ZDHHC17: variants seen among roughly 807,000 people sequenced by gnomAD.
ZDHHC17 encodes palmitoyltransferase ZDHHC17.
ZDHHC17 carries 40 observed loss-of-function variants against 90.3 expected under a neutral mutation model. That is an observed-to-expected ratio of 0.44 (90% CI 0.34 to 0.58). The LOEUF (loss-of-function observed/expected upper bound fraction) is 0.58, where lower values mean the gene tolerates loss of function less well. Ranked by LOEUF, ZDHHC17 falls within the 20% of genes least tolerant of loss-of-function variation. The pLI is 0.01. For synonymous variants in ZDHHC17, 235 were observed against 252.4 expected, an observed-to-expected ratio of 0.93 and a Z score of 0.65; for missense variants, 614 against 780.8, an observed-to-expected ratio of 0.79 and a Z score of 2.55.
At chr12:76,777,903 G>A (rs1202328978) in intron 1 of ZDHHC17, among the ~76,000 whole-genome samples, 1 of 152,106 alleles carries the variant, frequency 6.6e-6, no homozygotes, top group Non-Finnish European at 1.5e-5. Context: ...GCCCAGAGAG[G>A]TTAAGGTTAA....
chr12:76,778,076 A>T (rs1952579327), intron 1 of ZDHHC17, among the ~76,000 whole-genome samples: 1 of 152,120 alleles, frequency 6.6e-6, no homozygotes, highest in Admixed American at 6.6e-5. Context: ...TCCTGAAGGG[A>T]GATCTTATTT....
intron 3 of ZDHHC17, 97 bp downstream of exon 3, chr12:76,805,536 T>G: frequency 9.2e-7 from 1 of 1,089,452 alleles, no homozygotes; most frequent in Non-Finnish European, 1.3e-6. Context: ...CTTTCTAAAA[T>G]TCATGGCTTT....
At position 76,786,984 on chromosome 12, in the gene ZDHHC17, T is replaced by G. The variant is rs143229648; in HGVS notation, c.94-10450T>G. Among the ~76,000 whole-genome samples the G allele has an allele frequency of 3.4e-3, 524 of 152,360 alleles. 2 individuals carry two copies. Among genetic ancestry groups the G allele is most frequent in the Middle Eastern group, 0.034 (10 of 294 alleles). ...TTCTTAGGATTTTCAGTTACGTATC[T>G]TTGCCATTCAAATTACATTTTGGTA... On this transcript the variant is annotated intron_variant, in intron 1 of 16. Transcript: ENST00000426126.
At chr12:76,848,461 A>AT in intron 15 of ZDHHC17, 71 bp downstream of exon 15, 5 of 1,463,534 alleles carry the variant, frequency 3.4e-6, no homozygotes, top group East Asian at 2.4e-5. Context: ...AGATAATAAT[A>AT]TATTCTCTTC....
rs1953560929 is a variant in ZDHHC17 at position 76,850,999 on chromosome 12, T to C, written c.*14T>C. 2 of 1,613,654 alleles carry C rather than the reference T, an allele frequency of 1.2e-6. No homozygotes were observed. Among genetic ancestry groups the C allele is most frequent in the Non-Finnish European group, 1.7e-6 (2 of 1,179,750 alleles). ...CAGCTGGTGTAGCGACATCTTATCC[T>C]ATGAAGCATATTGCTGAGTGGTGCC... On this transcript the variant is annotated 3_prime_UTR_variant, in exon 17 of 17. Coordinates refer to ENST00000426126, the MANE Select transcript of ZDHHC17 (RefSeq NM_015336.4).
chr12:76,798,509 G>T (rs1952849526), intron 2 of ZDHHC17, among the ~76,000 whole-genome samples: 1 of 151,236 alleles, frequency 6.6e-6, no homozygotes, highest in East Asian at 1.9e-4. Context: ...TCAGGAGTTT[G>T]AGACCAGCTT....
At chr12:76,802,616 C>T (rs866352545) in intron 2 of ZDHHC17, among the ~76,000 whole-genome samples, 20 of 152,162 alleles carry the variant, frequency 1.3e-4, no homozygotes, top group Admixed American at 3.3e-4. Flanking sequence ...CACTTTCCTT[C>T]GGTCTTTTTT....
intron 16 of ZDHHC17, among the ~76,000 whole-genome samples, chr12:76,850,160 C>T: frequency 6.6e-6 from 1 of 151,974 alleles, no homozygotes; most frequent in Admixed American, 6.6e-5. Context: ...CATGATCCAC[C>T]CGCCTCGGCC....
chr12:76,849,336 A>AAAAC, intron 15 of ZDHHC17, 40 bp from the exon 16 acceptor site: 1 of 1,126,908 alleles, frequency 8.9e-7, no homozygotes, highest in Admixed American at 2.9e-5. Context: ...AAAAAAAAAA[A>AAAAC]AAAAACAAGA....
intron 1 of ZDHHC17, among the ~76,000 whole-genome samples, chr12:76,766,236 A>T (rs1952429762): frequency 6.6e-6 from 1 of 152,186 alleles, no homozygotes; most frequent in Non-Finnish European, 1.5e-5. Context: ...TGGCATACAT[A>T]ATATATACCG....
chr12:76,849,227 G>A, intron 15 of ZDHHC17, 149 bp from the exon 16 acceptor site: 1 of 433,816 alleles, frequency 2.3e-6, no homozygotes, highest in Non-Finnish European at 4.0e-6. Context: ...TGGGGTGGGG[G>A]GAGGTGGCGG....
chr12:76,777,316 A>C (rs888699180), intron 1 of ZDHHC17, among the ~76,000 whole-genome samples: 2 of 152,164 alleles, frequency 1.3e-5, no homozygotes, highest in Non-Finnish European at 2.9e-5. Context: ...GGCTTTTCTC[A>C]TTCAGCATAA....
At chr12:76,778,833 T>TA (rs1952592070) in intron 1 of ZDHHC17, among the ~76,000 whole-genome samples, 1 of 152,228 alleles carries the variant, frequency 6.6e-6, no homozygotes, top group Admixed American at 6.5e-5. Context: ...CTGGGTGACT[T>TA]AAACAATGGA....
intron 11 of ZDHHC17, 122 bp downstream of exon 11, chr12:76,842,228 G>A: frequency 9.3e-7 from 1 of 1,076,240 alleles, no homozygotes; most frequent in East Asian, 3.1e-5. Context: ...AAGCTAAATT[G>A]AGATTATGTA....
At chr12:76,812,509 C>G (rs1297618938) in intron 5 of ZDHHC17, among the ~76,000 whole-genome samples, 1 of 151,986 alleles carries the variant, frequency 6.6e-6, no homozygotes, top group African/African-American at 2.4e-5. Flanking sequence ...ATAAAATTAG[C>G]ATATTTTTAT....
chr12:76,816,930 A>C (rs930739354), intron 7 of ZDHHC17, among the ~76,000 whole-genome samples: 5 of 152,050 alleles, frequency 3.3e-5, no homozygotes, highest in African/African-American at 1.2e-4. Context: ...CTTCTAAAAA[A>C]ATTTCAAGTC....
intron 5 of ZDHHC17, among the ~76,000 whole-genome samples, chr12:76,812,543 C>T (rs1953037435): frequency 6.6e-6 from 1 of 151,990 alleles, no homozygotes; most frequent in African/African-American, 2.4e-5. Flanking sequence ...TCTCTTTTAT[C>T]GACTGTAGTC....
At chr12:76,843,045 G>A (rs1417689317) in intron 12 of ZDHHC17, 64 bp downstream of exon 12, 7 of 1,289,832 alleles carry the variant, frequency 5.4e-6, no homozygotes, top group African/African-American at 1.5e-5. Context: ...TAGCATAGCG[G>A]GTATGGGGTG....
intron 4 of ZDHHC17, 94 bp downstream of exon 4, chr12:76,809,214 G>C (rs1308078797): frequency 3.8e-6 from 3 of 779,724 alleles, no homozygotes; most frequent in Admixed American, 3.8e-5. Context: ...ATGAATAGGA[G>C]AGCTTATTAT....
Sources: gnomAD v4.1 joint callset for allele counts (sites outside exome capture counted in the v4.1 genomes callset) on GRCh38, gnomAD v4.1.1 for gene constraint, MANE v1.5 for transcripts, NCBI Gene and HGNC (gene_info 2026-07-23, HGNC 2026-07-21) for gene names.